Variants in SYTL5 observed in about 807,000 individuals in gnomAD.
The protein encoded by SYTL5 is synaptotagmin like 5, also known as synaptotagmin-like protein 5.
In SYTL5, 34 loss-of-function variants were observed where a neutral mutation model predicts 55.9. The ratio of observed to expected loss-of-function variants is 0.61; its 90% CI spans 0.46 to 0.81. The LOEUF is 0.81. Among genes scored for constraint, SYTL5 ranks in the 30% least tolerant of loss-of-function variants. The pLI is 0.00. For missense variants in SYTL5, 637 were observed against 546.7 expected (o/e 1.17, Z -1.65); for synonymous variants, 221 against 188.7 (o/e 1.17, Z -1.40).
chrX:37,926,433 G>A, the SYTL5 span, among the ~76,000 whole-genome samples: 1 of 110,119 alleles, frequency 9.1e-6, no homozygotes, highest in Admixed American at 9.7e-5. Flanking sequence ...CAAGAGCAGG[G>A]GCTTTGTCAT....
the SYTL5 span, among the ~76,000 whole-genome samples, chrX:37,987,076 ATGT>A: frequency 6.3e-5 from 7 of 111,744 alleles, no homozygotes; most frequent in African/African-American, 1.9e-4. Flanking sequence ...TGTCCATGGA[ATGT>A]TATTTATCTT....
At position 38,054,511 on chromosome X, in the gene SYTL5, G is replaced by A. The variant is rs939444958; in HGVS notation, c.329+89G>A. On this transcript the variant is annotated intron_variant, in intron 3 of 16. Transcript: ENST00000297875. ...GCAAAAGAGAAAAAGAGTATTTTAAGTTTAAGGATAGAGAGTGCAGGTGAA... is the reference window on the plus strand; with the variant it reads ...GCAAAAGAGAAAAAGAGTATTTTAAATTTAAGGATAGAGAGTGCAGGTGAA... 5 of 896,935 alleles carry A rather than the reference G, an allele frequency of 5.6e-6. No individual in the cohort carries two copies. The African/African-American group carries it at 9.9e-5, about 18-fold the overall frequency. The allele number at this position is 896,935 out of a possible 1,213,427, so 73.9% of individuals were successfully genotyped here.
chrX:37,946,953 G>A, the SYTL5 span, among the ~76,000 whole-genome samples: 1 of 110,960 alleles, frequency 9.0e-6, no homozygotes, highest in Non-Finnish European at 1.9e-5. Context: ...CACAGATTCC[G>A]TATATGTAGG....
At chrX:38,045,734 C>A (rs187653046) in intron 2 of SYTL5, among the ~76,000 whole-genome samples, 14 of 112,332 alleles carry the variant, frequency 1.2e-4, no homozygotes, top group Admixed American at 7.6e-4. Context: ...ATAACTTTTT[C>A]CCAGTTCTCA....
chrX:38,022,682 C>G (rs991316237), intron 1 of SYTL5, among the ~76,000 whole-genome samples: 1 of 112,319 alleles, frequency 8.9e-6, no homozygotes, highest in African/African-American at 3.2e-5. Context: ...AGACCTTTCA[C>G]GTAATCACAT....
At chrX:37,974,480 GA>G in the SYTL5 span, among the ~76,000 whole-genome samples, 1 of 111,947 alleles carries the variant, frequency 8.9e-6, no homozygotes, top group African/African-American at 3.2e-5. Context: ...TTGGGATGAT[GA>G]AAAGGTCCTA....
chrX:38,009,882 T>C lies in SYTL5; in HGVS notation c.-357+3214T>C, dbSNP rs997468764. 2.3e-4 allele frequency among the ~76,000 whole-genome samples: 26 copies of C among 112,259 alleles called. No individual in the cohort carries two copies. In the Admixed American group the frequency reaches 2.4e-3, roughly 10 times the overall value. ...CATATAGTGGCCACAGGAACAAATA[T>C]AGTCATGGAGAGGAAATCATTTTGA... On this transcript the variant is annotated intron_variant, in intron 1 of 16. Transcript: ENST00000297875.
the SYTL5 span, among the ~76,000 whole-genome samples, chrX:37,913,753 G>A: frequency 2.7e-5 from 3 of 112,298 alleles, no homozygotes; most frequent in Admixed American, 9.4e-5. Context: ...GTTTCCAAGA[G>A]ATTCTCAGAG....
chrX:38,093,181 A>G (rs1054521294), intron 7 of SYTL5, among the ~76,000 whole-genome samples: 13 of 112,006 alleles, frequency 1.2e-4, no homozygotes, highest in African/African-American at 4.2e-4. Flanking sequence ...TGTGTTGGAG[A>G]ATAATAAGAT....
At chrX:38,094,873 A>G (rs973205196) in intron 8 of SYTL5, among the ~76,000 whole-genome samples, 1 of 111,972 alleles carries the variant, frequency 8.9e-6, no homozygotes, top group South Asian at 3.7e-4. Context: ...AAGCAGCACT[A>G]AAGTATTAAT....
intron 2 of SYTL5, among the ~76,000 whole-genome samples, chrX:38,042,784 G>A (rs980608777): frequency 8.9e-6 from 1 of 111,782 alleles, no homozygotes; most frequent in African/African-American, 3.2e-5. Flanking sequence ...CCCCTCAAAG[G>A]TAAGTCAGCT....
At chrX:37,991,439 G>A in the SYTL5 span, 2 of 472,002 alleles carry the variant, frequency 4.2e-6, no homozygotes, top group Non-Finnish European at 6.8e-6. Flanking sequence ...GTTTGAATCA[G>A]TGATTTAGAG....
At chrX:37,943,637 C>T in the SYTL5 span, among the ~76,000 whole-genome samples, 3 of 111,426 alleles carry the variant, frequency 2.7e-5, no homozygotes, top group South Asian at 1.1e-3. Context: ...ACTAACTTAG[C>T]CCCATTCTTG....
the SYTL5 span, among the ~76,000 whole-genome samples, chrX:37,987,446 T>A: frequency 8.9e-6 from 1 of 112,138 alleles, no homozygotes; most frequent in Non-Finnish European, 1.9e-5. Flanking sequence ...ACATATTTGT[T>A]TGGGTGTTTG....
At position 38,039,271 on chromosome X, in the gene SYTL5, GGA is replaced by G. The variant is rs1208011591; in HGVS notation, c.119+5267_119+5268del. ...TAAGAATATTTTTAAGGTTCTCTAT[GGA>G]GAGCAAGTCACTCAAATTTATTGAC... On this transcript the variant is annotated intron_variant, in intron 2 of 16. Coordinates refer to ENST00000297875, the MANE Select transcript of SYTL5 (RefSeq NM_138780.3). Among the ~76,000 whole-genome samples, 19 of 112,462 alleles carry G rather than the reference GGA, an allele frequency of 1.7e-4. 1 individual carries two copies. In the Admixed American group the frequency reaches 1.7e-3, roughly 10 times the overall value.
intron 2 of SYTL5, among the ~76,000 whole-genome samples, chrX:38,039,044 T>A (rs1382880275): frequency 8.9e-6 from 1 of 111,834 alleles, no homozygotes; most frequent in Non-Finnish European, 1.9e-5. Flanking sequence ...GTAAAGGTGC[T>A]CCATACCCAG....
intron 3 of SYTL5, among the ~76,000 whole-genome samples, chrX:38,061,902 A>G (rs772572618): frequency 3.6e-5 from 4 of 112,074 alleles, no homozygotes; most frequent in African/African-American, 9.7e-5. Context: ...TTAGTACCCA[A>G]TTGAATTCAG....
At chrX:37,925,664 G>A in the SYTL5 span, among the ~76,000 whole-genome samples, 1 of 110,872 alleles carries the variant, frequency 9.0e-6, no homozygotes, top group African/African-American at 3.3e-5. Flanking sequence ...TACATGAGTA[G>A]GTTCTTTAGT....
the SYTL5 span, among the ~76,000 whole-genome samples, chrX:37,951,776 C>T: frequency 9.0e-6 from 1 of 111,126 alleles, no homozygotes; most frequent in Admixed American, 9.6e-5. Flanking sequence ...GGAAGTTAGA[C>T]TTTATTCTGT....
Sources: gnomAD v4.1 joint callset for allele counts (sites outside exome capture counted in the v4.1 genomes callset) on GRCh38, gnomAD v4.1.1 for gene constraint, MANE v1.5 for transcripts, NCBI Gene and HGNC (gene_info 2026-07-23, HGNC 2026-07-21) for gene names.